The following TLK2 variants were observed in gnomAD, a reference collection of about 807,000 sequenced individuals.
The protein encoded by TLK2 is tousled like kinase 2.
A neutral mutation model predicts 117.3 loss-of-function variants in TLK2; 6 were observed. The ratio of observed to expected loss-of-function variants is 0.05; its 90% confidence interval spans 0.03 to 0.10. The LOEUF (loss-of-function observed/expected upper bound fraction) is 0.10. Ranked by LOEUF, TLK2 falls within the 10% of genes least tolerant of loss-of-function variation. The probability of loss-of-function intolerance (pLI) is 1.00; values close to 1 mark genes in which losing one functional copy is unlikely to be tolerated. For missense variants in TLK2, 299 were observed against 901.2 expected (o/e 0.33, Z 8.56); for synonymous variants, 257 against 316.7 (o/e 0.81, Z 2.00).
intron 10 of TLK2, among the ~76,000 whole-genome samples, chr17:62,560,781 G>A (rs2079201360): frequency 6.6e-6 from 1 of 151,396 alleles, no homozygotes; most frequent in South Asian, 2.1e-4. Context: ...AGCCTCCTGA[G>A]TAGCTGGGTT....
intron 2 of TLK2, among the ~76,000 whole-genome samples, chr17:62,486,503 G>C (rs12949816): frequency 6.6e-6 from 1 of 152,232 alleles, no homozygotes; most frequent in South Asian, 2.1e-4. Flanking sequence ...AGCACTGGAT[G>C]ATCTACTTCT....
chr17:62,518,184 A>G (rs1428110002), intron 2 of TLK2, among the ~76,000 whole-genome samples: 1 of 152,190 alleles, frequency 6.6e-6, no homozygotes, highest in East Asian at 1.9e-4. Context: ...CACAGAAAAA[A>G]TTTGCAACCT....
At chr17:62,479,850 GGGTT>G (rs2071407445) in intron 1 of TLK2, among the ~76,000 whole-genome samples, 1 of 152,254 alleles carries the variant, frequency 6.6e-6, no homozygotes, top group South Asian at 2.1e-4. Context: ...AGAGACCTTG[GGGTT>G]TGGGAGAGAC....
At chr17:62,567,174 C>T (rs2079863344) in intron 11 of TLK2, among the ~76,000 whole-genome samples, 1 of 152,094 alleles carries the variant, frequency 6.6e-6, no homozygotes, top group Non-Finnish European at 1.5e-5. Context: ...GTGAGTCATG[C>T]AGTGAGCCGA....
chr17:62,549,395 T>A (rs2078210505), intron 7 of TLK2, among the ~76,000 whole-genome samples: 2 of 10,090 alleles, frequency 2.0e-4, no homozygotes, highest in Non-Finnish European at 4.0e-4. Context: ...CAAGACTCCA[T>A]CTCAAAAAAA....
At position 62,549,072 on chromosome 17, in the gene TLK2, A is replaced by T. The variant is rs1457139559; in HGVS notation, c.532-3230A>T. Among the ~76,000 whole-genome samples the T allele has an allele frequency of 3.3e-5, 5 of 149,786 alleles. 1 individual carries two copies. In the South Asian group the frequency reaches 8.7e-4, roughly 26 times the overall value. Reference sequence around the variant, plus strand: ...TGATTCTTATTGGCTCTTATTATAAATATAGTTCAGACAGTCATTTGTATA... The same window carrying T: ...TGATTCTTATTGGCTCTTATTATAATTATAGTTCAGACAGTCATTTGTATA... On this transcript the variant is annotated intron_variant, in intron 7 of 21. Transcript: ENST00000346027.
At chr17:62,513,685 TTTTTG>T (rs2075337668) in intron 2 of TLK2, among the ~76,000 whole-genome samples, 1 of 152,094 alleles carries the variant, frequency 6.6e-6, no homozygotes, top group African/African-American at 2.4e-5. Flanking sequence ...GGGTCTGTTT[TTTTTG>T]TTTTGTTTTG....
chr17:62,557,837 G>C (rs1337933637), intron 9 of TLK2, among the ~76,000 whole-genome samples: 1 of 152,194 alleles, frequency 6.6e-6, no homozygotes, highest in Non-Finnish European at 1.5e-5. Context: ...TCAAAAAAAT[G>C]TTTGCTTATG....
At chr17:62,591,052 C>T (rs1469136860) in intron 16 of TLK2, among the ~76,000 whole-genome samples, 1 of 152,106 alleles carries the variant, frequency 6.6e-6, no homozygotes, top group Non-Finnish European at 1.5e-5. Flanking sequence ...GAGTTTGAGA[C>T]CAGCCTGGCC....
intron 6 of TLK2, among the ~76,000 whole-genome samples, chr17:62,533,250 C>CT (rs1411553425): frequency 6.6e-6 from 1 of 151,630 alleles, no homozygotes; most frequent in Non-Finnish European, 1.5e-5. Flanking sequence ...TTTATGTTGA[C>CT]TTTTACCATT....
rs551627994 is a variant in TLK2 at position 62,491,675 on chromosome 17, G to A, written c.81+10469G>A. Among the ~76,000 whole-genome samples, 518 of 152,204 alleles carry A rather than the reference G, an allele frequency of 3.4e-3. 1 individual carries two copies. The highest frequency in any genetic ancestry group is 0.034 in the Middle Eastern group (10 of 294). On this transcript the variant is annotated intron_variant, in intron 2 of 21. Transcript: ENST00000346027. ...GTGATCTCGGCTCACTGCAAGCTCCGCTTCCTGGGTTCAAGCAATTCTGCC... is the reference window on the plus strand; with the variant it reads ...GTGATCTCGGCTCACTGCAAGCTCCACTTCCTGGGTTCAAGCAATTCTGCC...
In TLK2 at chr17:62,573,197, C is replaced by T. The variant is rs767143401; in HGVS notation, c.969-18C>T. ...CTTTTGACTTTCTTTCTTTGTACAA[C>T]GTCTTTTATATCTCTAGGCAACAGG... On this transcript the variant is annotated intron_variant, in intron 11 of 21. Transcript: ENST00000346027. 5.0e-6 allele frequency: 8 copies of T among 1,602,638 alleles called. No individual in the cohort carries two copies. The highest frequency in any genetic ancestry group is 3.4e-5 in the South Asian group (3 of 89,392).
intron 2 of TLK2, among the ~76,000 whole-genome samples, chr17:62,517,961 G>C (rs1446087414): frequency 1.3e-5 from 2 of 152,208 alleles, no homozygotes; most frequent in Admixed American, 6.5e-5. Context: ...ACCTCCCAAA[G>C]TGCTGGGATT....
intron 2 of TLK2, among the ~76,000 whole-genome samples, chr17:62,482,132 A>G (rs1023344906): frequency 6.6e-6 from 1 of 151,824 alleles, no homozygotes; most frequent in Non-Finnish European, 1.5e-5. Flanking sequence ...TATTTTTAGT[A>G]GAGATGGGGT....
chr17:62,532,446 C>T (rs979235516), intron 6 of TLK2, among the ~76,000 whole-genome samples: 2 of 152,166 alleles, frequency 1.3e-5, no homozygotes, highest in Non-Finnish European at 2.9e-5. Context: ...TAAACTGTTA[C>T]ATTTGCTGGG....
At chr17:62,551,331 T>C (rs773975338) in intron 7 of TLK2, among the ~76,000 whole-genome samples, 2 of 152,254 alleles carry the variant, frequency 1.3e-5, no homozygotes, top group Non-Finnish European at 2.9e-5. Context: ...TACCATTCCA[T>C]GATTCTCAGA....
At chr17:62,531,907 C>A (rs2076766834) in intron 6 of TLK2, among the ~76,000 whole-genome samples, 1 of 152,190 alleles carries the variant, frequency 6.6e-6, no homozygotes, top group African/African-American at 2.4e-5. Flanking sequence ...TTTACCCTTT[C>A]CTTGAGAATG....
At chr17:62,533,405 T>C (rs2076887027) in intron 6 of TLK2, among the ~76,000 whole-genome samples, 1 of 131,782 alleles carries the variant, frequency 7.6e-6, no homozygotes, top group East Asian at 2.1e-4. Context: ...TGTGTGTGTG[T>C]GTAATTTTTT....
At chr17:62,594,821 CACACACACA>C (rs1567991689) in intron 16 of TLK2, among the ~76,000 whole-genome samples, 2 of 150,804 alleles carry the variant, frequency 1.3e-5, no homozygotes, top group Non-Finnish European at 3.0e-5. Flanking sequence ...CACACACACA[CACACACACA>C]CCCCATGTGG....
Sources: gnomAD v4.1 joint callset for allele counts (sites outside exome capture counted in the v4.1 genomes callset) on GRCh38, gnomAD v4.1.1 for gene constraint, MANE v1.5 for transcripts, NCBI Gene and HGNC (gene_info 2026-07-23, HGNC 2026-07-21) for gene names.